The following EIF2S2 variants were observed in gnomAD, a reference collection of about 807,000 sequenced individuals.
EIF2S2 encodes eukaryotic translation initiation factor 2 subunit 2.
In EIF2S2, 4 loss-of-function variants were observed where a neutral mutation model predicts 44.0. The ratio of observed to expected loss-of-function variants is 0.09; its 90% confidence interval spans 0.04 to 0.21. The LOEUF (loss-of-function observed/expected upper bound fraction) is 0.21, where lower values mean the gene tolerates loss of function less well. Among genes scored for constraint, EIF2S2 ranks in the 10% least tolerant of loss-of-function variants. The pLI, the probability that EIF2S2 is intolerant of heterozygous loss-of-function variation, is 1.00. For synonymous variants in EIF2S2, 108 were observed against 128.3 expected (o/e 0.84, Z 1.07); for missense variants, 154 against 392.0 (o/e 0.39, Z 5.13).
At chr20:34,093,962 C>T (rs1272434121) in intron 6 of EIF2S2, among the ~76,000 whole-genome samples, 1 of 152,158 alleles carries the variant, frequency 6.6e-6, no homozygotes, top group African/African-American at 2.4e-5. Context: ...ATGATCATAG[C>T]TCACTGTAAC....
In EIF2S2 at chr20:34,103,557, C is replaced by T. The variant is rs758830211; in HGVS notation, c.202G>A (p.Asp68Asn). The T allele has an allele frequency of 6.4e-7, 1 of 1,564,384 alleles. No individual in the cohort carries two copies. Among genetic ancestry groups the T allele is most frequent in the South Asian group, 1.2e-5 (1 of 84,514 alleles). The change falls in exon 3 of 9, where the codon GAT (aspartate) becomes AAT (asparagine). Residue 68 changes from aspartate to asparagine, a missense_variant. Coordinates refer to ENST00000374980, the MANE Select transcript of EIF2S2 (RefSeq NM_003908.5). ...AAGAAGTTCAAGTCATCTAGATCAT[C>T]AGAAGCATCTAAAAAGACCAAGGCA... The part of the protein sequence containing the change: ...EEDTRKKDAS[D>N]DLDDLNFFNQ...
At chr20:34,101,319 T>C (rs2034292649) in intron 3 of EIF2S2, among the ~76,000 whole-genome samples, 1 of 152,164 alleles carries the variant, frequency 6.6e-6, no homozygotes, top group Admixed American at 6.5e-5. Context: ...GGCGGGTGCC[T>C]GTAAACCCAG....
chr20:34,098,544 C>A lies in EIF2S2; in HGVS notation c.387G>T (p.Lys129Asn). Reference protein sequence around the residue: ...IMLGNKKKKKKNVKFPDEDEI... With the variant: ...IMLGNKKKKKNNVKFPDEDEI... ...CATCCTCATCTGGGAACTTAACATT[C>A]TTCTTTTTCTTCTTTTTATTGCCAA... is the stretch of plus-strand genomic sequence containing the variant. The change falls in exon 4 of 9, where the codon AAG (lysine) becomes AAT (asparagine). Residue 129 changes from lysine to asparagine, a missense_variant. Coordinates refer to ENST00000374980, the MANE Select transcript of EIF2S2 (RefSeq NM_003908.5). The A allele has an allele frequency of 6.2e-7, 1 of 1,613,888 alleles. No homozygotes were observed. Among genetic ancestry groups the A allele is most frequent in the Non-Finnish European group, 8.5e-7 (1 of 1,179,968 alleles).
chr20:34,103,746 G>A (rs575927757), intron 2 of EIF2S2, among the ~76,000 whole-genome samples, 181 bp from the exon 3 acceptor site: 12 of 149,464 alleles, frequency 8.0e-5, no homozygotes, highest in South Asian at 4.2e-4. Context: ...TTGCTCTGTC[G>A]CCAAGGCTGG....
At chr20:34,099,944 A>G (rs1404820154) in intron 3 of EIF2S2, among the ~76,000 whole-genome samples, 1 of 152,242 alleles carries the variant, frequency 6.6e-6, no homozygotes, top group African/African-American at 2.4e-5. Context: ...GCTCACCAGC[A>G]TGTTAGCTCT....
At chr20:34,108,029 G>A (rs2034369095) in intron 1 of EIF2S2, 1 of 152,184 alleles carries the variant, frequency 6.6e-6, no homozygotes, top group South Asian at 2.1e-4. Flanking sequence ...GAAATAGGGA[G>A]ACTTGGCAAA....
chr20:34,096,811 A>G lies in EIF2S2; in HGVS notation c.535-6T>C, dbSNP rs1421531955. The G allele has an allele frequency of 8.1e-6, 13 of 1,601,396 alleles. No individual in the cohort carries two copies. Among genetic ancestry groups the G allele is most frequent in the Non-Finnish European group, 1.1e-5 (13 of 1,176,324 alleles). The stretch of plus-strand genomic sequence containing the variant: ...TTGAACACTCGATTCAGCAGCTATA[A>G]AAATAAAGTGGTATTCATGAATACG... On this transcript the variant is annotated splice_polypyrimidine_tract_variant and splice_region_variant and intron_variant, in intron 5 of 8. Transcript: ENST00000374980.
chr20:34,091,522 C>T (rs1469303349), intron 7 of EIF2S2, among the ~76,000 whole-genome samples: 1 of 151,850 alleles, frequency 6.6e-6, no homozygotes, highest in African/African-American at 2.4e-5. Context: ...TCGAGACCAG[C>T]CTGACCAATA....
intron 1 of EIF2S2, among the ~76,000 whole-genome samples, chr20:34,106,295 T>TA (rs1229471975): frequency 6.6e-6 from 1 of 152,054 alleles, no homozygotes; most frequent in Non-Finnish European, 1.5e-5. Context: ...TTGACCTGAT[T>TA]AAAAAAACAA....
chr20:34,103,408 A>G, intron 3 of EIF2S2, 54 bp downstream of exon 3: 1 of 1,489,454 alleles, frequency 6.7e-7, no homozygotes, highest in Non-Finnish European at 9.0e-7. Flanking sequence ...AACATCAGCC[A>G]TTAGCAACCT....
chr20:34,090,489 G>C (rs1316340173), intron 8 of EIF2S2, 28 bp downstream of exon 8: 1 of 1,338,216 alleles, frequency 7.5e-7, no homozygotes. Flanking sequence ...ATTTCAGGGT[G>C]ATCTAATGAA....
intron 1 of EIF2S2, among the ~76,000 whole-genome samples, chr20:34,108,478 C>A (rs915601198): frequency 2.0e-5 from 3 of 152,194 alleles, no homozygotes; most frequent in Non-Finnish European, 4.4e-5. Context: ...TTAGTCTTGA[C>A]TAAAATGGCT....
chr20:34,093,554 G>T, intron 7 of EIF2S2, 121 bp downstream of exon 7: 1 of 826,504 alleles, frequency 1.2e-6, no homozygotes, highest in Non-Finnish European at 1.8e-6. Flanking sequence ...TCCTCCACTG[G>T]CCTAAAAGTT....
At chr20:34,098,242 G>A (rs1245388129) in intron 4 of EIF2S2, among the ~76,000 whole-genome samples, 1 of 146,536 alleles carries the variant, frequency 6.8e-6, no homozygotes, top group South Asian at 2.1e-4. Flanking sequence ...GTGAGACTCC[G>A]TCTCAAAAAA....
chr20:34,094,731 CAT>C (rs2034207522), intron 6 of EIF2S2, among the ~76,000 whole-genome samples: 2 of 151,712 alleles, frequency 1.3e-5, no homozygotes, highest in Admixed American at 1.3e-4. Flanking sequence ...TGTACATACA[CAT>C]ATAAAATAAA....
intron 6 of EIF2S2, 70 bp from the exon 7 acceptor site, chr20:34,093,801 T>C: frequency 7.4e-7 from 1 of 1,356,822 alleles, no homozygotes. Flanking sequence ...AAAAAATCTG[T>C]TCATTGTTTT....
At chr20:34,096,440 G>T (rs753695611) in intron 6 of EIF2S2, among the ~76,000 whole-genome samples, 1 of 152,142 alleles carries the variant, frequency 6.6e-6, no homozygotes, top group Non-Finnish European at 1.5e-5. Context: ...ATTCCAGCCT[G>T]GGCGACAAAG....
rs549879312 is a variant in EIF2S2, at chr20:34,105,364, G to A, written c.193+4C>T. On this transcript the variant is annotated splice_donor_region_variant and intron_variant, in intron 2 of 8. Coordinates refer to ENST00000374980, the MANE Select transcript of EIF2S2 (RefSeq NM_003908.5). ...ACAGTAACTCTCTCACATCAACCAC[G>A]CACCTTTTTTCCTAGTGTCCTCTTC... 52 of 1,610,398 alleles carry A rather than the reference G, an allele frequency of 3.2e-5. No homozygotes were observed. The highest frequency in any genetic ancestry group is 1.3e-4 in the South Asian group (12 of 90,260).
At chr20:34,095,978 G>C (rs146715423) in intron 6 of EIF2S2, among the ~76,000 whole-genome samples, 33 of 152,316 alleles carry the variant, frequency 2.2e-4, no homozygotes, top group Non-Finnish European at 4.3e-4. Flanking sequence ...GGCATAGAAT[G>C]TGATGGTAAT....
Sources: gnomAD v4.1 joint callset for allele counts (sites outside exome capture counted in the v4.1 genomes callset) on GRCh38, gnomAD v4.1.1 for gene constraint, MANE v1.5 for transcripts, NCBI Gene and HGNC (gene_info 2026-07-23, HGNC 2026-07-21) for gene names.